RNF180: variants seen among roughly 807,000 people sequenced by gnomAD.
RNF180 encodes the protein E3 ubiquitin-protein ligase RNF180.
Under a neutral mutation model 59.2 loss-of-function variants are expected in RNF180, and 38 were observed. That is an observed-to-expected ratio of 0.64 (90% confidence interval 0.50 to 0.84). The LOEUF (loss-of-function observed/expected upper bound fraction) is 0.84, where lower values mean the gene tolerates loss of function less well. RNF180 is among the 40% of genes least tolerant of loss of function. The pLI, the probability that RNF180 is intolerant of heterozygous loss-of-function variation, is 0.00. For synonymous variants in RNF180, 262 were observed against 240.3 expected (o/e 1.09, Z -0.84); for missense variants, 705 against 700.9 (o/e 1.01, Z -0.07).
At chr5:64,360,841 C>T (rs1371871434) in intron 7 of RNF180, among the ~76,000 whole-genome samples, 1 of 151,616 alleles carries the variant, frequency 6.6e-6, no homozygotes, top group Admixed American at 6.6e-5. Context: ...ACCTGAGCCT[C>T]ATTTCCCATA....
chr5:64,170,392 A>G (rs1396789178), intron 1 of RNF180, among the ~76,000 whole-genome samples: 4 of 152,214 alleles, frequency 2.6e-5, no homozygotes, highest in African/African-American at 9.6e-5. Flanking sequence ...ATCTGACTCT[A>G]TAAGAGGGAC....
intron 5 of RNF180, among the ~76,000 whole-genome samples, chr5:64,237,035 C>A (rs570698233): frequency 6.6e-6 from 1 of 152,302 alleles, no homozygotes; most frequent in East Asian, 1.9e-4. Flanking sequence ...GGGTTGGAGC[C>A]CCCACACAGA....
intron 7 of RNF180, among the ~76,000 whole-genome samples, chr5:64,346,755 A>G (rs1301657397): frequency 6.6e-6 from 1 of 152,096 alleles, no homozygotes; most frequent in Non-Finnish European, 1.5e-5. Flanking sequence ...GTATCTCTGG[A>G]GATGGGTCTC....
chr5:64,213,426 A>G, intron 3 of RNF180, 132 bp from the exon 4 acceptor site: 1 of 752,108 alleles, frequency 1.3e-6, no homozygotes, highest in East Asian at 2.5e-5. Context: ...CAGTCTACTA[A>G]TCAGAAAACA....
intron 5 of RNF180, among the ~76,000 whole-genome samples, chr5:64,276,993 A>G (rs1741754745): frequency 6.6e-6 from 1 of 152,020 alleles, no homozygotes; most frequent in Non-Finnish European, 1.5e-5. Flanking sequence ...GAATTAATTC[A>G]TAGGTCCTAC....
chr5:64,226,352 A>G (rs1017992445), intron 5 of RNF180, among the ~76,000 whole-genome samples: 3 of 152,346 alleles, frequency 2.0e-5, no homozygotes, highest in South Asian at 2.1e-4. Context: ...CTGTTGATCT[A>G]TAACCTTACC....
chr5:64,234,087 G>T (rs1742258157), intron 5 of RNF180, among the ~76,000 whole-genome samples: 1 of 152,176 alleles, frequency 6.6e-6, no homozygotes, highest in Non-Finnish European at 1.5e-5. Context: ...GCTTAATTCA[G>T]CTGTCTTGGT....
At chr5:64,351,145 C>T (rs897555514) in intron 7 of RNF180, among the ~76,000 whole-genome samples, 1 of 151,880 alleles carries the variant, frequency 6.6e-6, no homozygotes, top group Non-Finnish European at 1.5e-5. Flanking sequence ...AGTTGGATTC[C>T]TAGGTATTTT....
At chr5:64,197,729 T>C (rs1170289112) in intron 1 of RNF180, among the ~76,000 whole-genome samples, 1 of 152,178 alleles carries the variant, frequency 6.6e-6, no homozygotes, top group Admixed American at 6.5e-5. Context: ...TTCAGTTGTT[T>C]TAGTTGAGAG....
intron 6 of RNF180, among the ~76,000 whole-genome samples, chr5:64,329,883 G>T (rs1744822222): frequency 6.6e-6 from 1 of 152,180 alleles, no homozygotes; most frequent in Non-Finnish European, 1.5e-5. Context: ...TTTGCCTGTG[G>T]CTCACCTCCT....
intron 5 of RNF180, among the ~76,000 whole-genome samples, chr5:64,248,848 C>G (rs911112311): frequency 1.3e-5 from 2 of 152,144 alleles, no homozygotes; most frequent in African/African-American, 2.4e-5. Context: ...AGACTTGGAA[C>G]CAACCCAAAT....
intron 1 of RNF180, among the ~76,000 whole-genome samples, chr5:64,185,928 A>T (rs1320014350): frequency 6.6e-6 from 1 of 152,252 alleles, no homozygotes; most frequent in Non-Finnish European, 1.5e-5. Flanking sequence ...AAACAATAAA[A>T]GTGCTAGGAA....
At chr5:64,330,492 A>G in intron 7 of RNF180, 86 bp downstream of exon 7, 2 of 1,217,544 alleles carry the variant, frequency 1.6e-6, no homozygotes, top group Non-Finnish European at 2.3e-6. Flanking sequence ...TCTCAGAAAT[A>G]TTAGGGGAAA....
intron 7 of RNF180, among the ~76,000 whole-genome samples, chr5:64,342,430 G>A (rs907806985): frequency 3.9e-5 from 6 of 152,188 alleles, no homozygotes; most frequent in South Asian, 2.1e-4. Context: ...CTGACATGTC[G>A]GATTGGAAGA....
chr5:64,307,005 A>T (rs1337592816), intron 5 of RNF180, among the ~76,000 whole-genome samples: 2 of 148,354 alleles, frequency 1.3e-5, no homozygotes, highest in African/African-American at 4.9e-5. Context: ...AAAAATAAAA[A>T]TAAAAAAAAA....
intron 5 of RNF180, among the ~76,000 whole-genome samples, chr5:64,289,270 A>T (rs1742449786): frequency 6.6e-6 from 1 of 152,054 alleles, no homozygotes; most frequent in African/African-American, 2.4e-5. Flanking sequence ...TAGCTTTTTG[A>T]TGTGCTGCTG....
At chr5:64,245,016 A>G (rs903861320) in intron 5 of RNF180, among the ~76,000 whole-genome samples, 1 of 152,236 alleles carries the variant, frequency 6.6e-6, no homozygotes, top group East Asian at 1.9e-4. Context: ...GAGAAATAAA[A>G]TCCTTTACAG....
chr5:64,224,391 A>G (rs896541748), intron 5 of RNF180, among the ~76,000 whole-genome samples: 4 of 152,172 alleles, frequency 2.6e-5, no homozygotes, highest in Admixed American at 2.6e-4. Context: ...GTAAAATGGT[A>G]TAAATATTTA....
At chr5:64,254,953 G>C (rs1036161278) in intron 5 of RNF180, among the ~76,000 whole-genome samples, 1 of 152,056 alleles carries the variant, frequency 6.6e-6, no homozygotes, top group Non-Finnish European at 1.5e-5. Context: ...TTTCTTAGAA[G>C]AACAACCTCC....
Sources: gnomAD v4.1 joint callset for allele counts (sites outside exome capture counted in the v4.1 genomes callset) on GRCh38, gnomAD v4.1.1 for gene constraint, MANE v1.5 for transcripts, NCBI Gene and HGNC (gene_info 2026-07-23, HGNC 2026-07-21) for gene names.